The following SH3GL2 variants were observed in gnomAD, a reference collection of about 807,000 sequenced individuals.
SH3GL2 encodes the protein SH3 domain containing GRB2 like 2, endophilin A1, also known as endophilin-A1.
Under a neutral mutation model 46.0 loss-of-function variants are expected in SH3GL2, and 24 were observed. The observed-to-expected ratio is 0.52, with a 90% confidence interval of 0.38 to 0.73. SH3GL2 has a LOEUF of 0.73. Ranked by LOEUF, SH3GL2 falls within the 30% of genes least tolerant of loss-of-function variation. The pLI, the probability that SH3GL2 is intolerant of heterozygous loss-of-function variation, is 0.00. For synonymous variants in SH3GL2, 196 were observed against 147.1 expected, an observed-to-expected ratio of 1.33 and a Z score of -2.40; for missense variants, 413 against 424.2, an observed-to-expected ratio of 0.97 and a Z score of 0.23.
chr9:17,594,599 A>C (rs998928745), intron 1 of SH3GL2, among the ~76,000 whole-genome samples: 5 of 152,134 alleles, frequency 3.3e-5, no homozygotes, highest in African/African-American at 1.2e-4. Context: ...ATACCTATGT[A>C]ACAAACCTGC....
chr9:17,759,946 C>G (rs866801487), intron 2 of SH3GL2, among the ~76,000 whole-genome samples: 1 of 152,248 alleles, frequency 6.6e-6, no homozygotes, highest in African/African-American at 2.4e-5. Context: ...CATATTTGTT[C>G]CATACACACC....
At chr9:17,680,580 G>C (rs917605843) in intron 1 of SH3GL2, among the ~76,000 whole-genome samples, 10 of 151,524 alleles carry the variant, frequency 6.6e-5, no homozygotes, top group African/African-American at 2.4e-4. Flanking sequence ...CAAAAAACCA[G>C]CTCCTGGATT....
chr9:17,680,961 G>C (rs1588233276), intron 1 of SH3GL2, among the ~76,000 whole-genome samples: 2 of 152,202 alleles, frequency 1.3e-5, no homozygotes, highest in East Asian at 3.9e-4. Flanking sequence ...TCTTAATCCT[G>C]AGTTCTAGTT....
intron 1 of SH3GL2, among the ~76,000 whole-genome samples, chr9:17,709,818 T>C: frequency 6.6e-6 from 1 of 151,872 alleles, no homozygotes; most frequent in East Asian, 1.9e-4. Flanking sequence ...ATATATTGAG[T>C]TCCTAGTATG....
chr9:17,651,647 G>T lies in SH3GL2; in HGVS notation c.45+72360G>T, dbSNP rs905467910. ...TGATAAATTCTTTCTGCTTTTGTCT[G>T]TTTAAGGAAGTCTTTATTTTGCTTT... On this transcript the variant is annotated intron_variant, in intron 1 of 8. Transcript: ENST00000380607. Among the ~76,000 whole-genome samples, 61 of 152,186 alleles carry T rather than the reference G, an allele frequency of 4.0e-4. 1 individual carries two copies. Among genetic ancestry groups the T allele is most frequent in the Non-Finnish European group, 7.1e-4 (48 of 67,968 alleles).
At chr9:17,597,942 A>G (rs1163307579) in intron 1 of SH3GL2, among the ~76,000 whole-genome samples, 4 of 152,160 alleles carry the variant, frequency 2.6e-5, no homozygotes, top group African/African-American at 9.7e-5. Context: ...AGTTTTAGGT[A>G]TAGAGAGATG....
At chr9:17,670,458 A>G (rs1264276750) in intron 1 of SH3GL2, among the ~76,000 whole-genome samples, 1 of 152,202 alleles carries the variant, frequency 6.6e-6, no homozygotes, top group Non-Finnish European at 1.5e-5. Context: ...AAGTGTTTTA[A>G]TTATAGGGGC....
chr9:17,680,625 C>T (rs527929305), intron 1 of SH3GL2, among the ~76,000 whole-genome samples: 43 of 151,824 alleles, frequency 2.8e-4, no homozygotes, highest in African/African-American at 8.2e-4. Context: ...GTGTCTCTAT[C>T]TCCTTCAGTT....
intron 1 of SH3GL2, among the ~76,000 whole-genome samples, chr9:17,720,455 C>T (rs557761774): frequency 5.9e-5 from 9 of 152,172 alleles, no homozygotes; most frequent in African/African-American, 2.2e-4. Flanking sequence ...AAGTGAAGTA[C>T]AGAAAACAGA....
intron 1 of SH3GL2, among the ~76,000 whole-genome samples, chr9:17,633,040 G>A (rs946936817): frequency 3.9e-5 from 6 of 152,206 alleles, no homozygotes; most frequent in African/African-American, 1.4e-4. Flanking sequence ...CAACCTGTCA[G>A]CCTTGACTTT....
chr9:17,615,732 TA>T lies in SH3GL2; in HGVS notation c.45+36456del, dbSNP rs765372067. 4.7e-3 allele frequency among the ~76,000 whole-genome samples: 676 copies of T among 144,482 alleles called. 3 individuals are homozygous for T. Among genetic ancestry groups the T allele is most frequent in the African/African-American group, 0.015 (583 of 39,606 alleles). 94.8% of individuals were successfully genotyped at this position (144,482 alleles called of 152,430 possible). On this transcript the variant is annotated intron_variant, in intron 1 of 8. Coordinates refer to ENST00000380607, the MANE Select transcript of SH3GL2 (RefSeq NM_003026.5). ...ATTGTTAAAAACTTAGGACGAAAGT[TA>T]AAAAAAAAAACCCACACTACTTAAT...
At chr9:17,746,887 G>A (rs933479600) in intron 1 of SH3GL2, among the ~76,000 whole-genome samples, 179 bp from the exon 2 acceptor site, 1 of 152,218 alleles carries the variant, frequency 6.6e-6, no homozygotes, top group African/African-American at 2.4e-5. Flanking sequence ...ATAGCCTTTA[G>A]TAAGTTTTTC....
intron 1 of SH3GL2, among the ~76,000 whole-genome samples, chr9:17,623,226 C>T (rs1221177652): frequency 1.3e-5 from 2 of 151,880 alleles, no homozygotes; most frequent in Non-Finnish European, 2.9e-5. Context: ...AGAAGTTAGT[C>T]TCTGGTGTCT....
chr9:17,619,677 C>CAAAAA (rs369116747), intron 1 of SH3GL2, among the ~76,000 whole-genome samples: 3,407 of 146,230 alleles, frequency 0.023, 133 homozygotes, highest in African/African-American at 0.082. Flanking sequence ...AACTCCATCT[C>CAAAAA]AAAAAAAAAA....
At chr9:17,587,156 C>G (rs1226125437) in intron 1 of SH3GL2, among the ~76,000 whole-genome samples, 3 of 152,098 alleles carry the variant, frequency 2.0e-5, no homozygotes, top group Admixed American at 6.5e-5. Flanking sequence ...GAGCCAAGAT[C>G]ACACCGTTGC....
At chr9:17,714,285 G>A (rs541547887) in intron 1 of SH3GL2, among the ~76,000 whole-genome samples, 18 of 151,490 alleles carry the variant, frequency 1.2e-4, no homozygotes, top group Admixed American at 8.6e-4. Context: ...AGCAAATATC[G>A]TTGGGTCTTC....
intron 5 of SH3GL2, among the ~76,000 whole-genome samples, chr9:17,788,146 G>A (rs73424582): frequency 2.6e-5 from 4 of 151,922 alleles, no homozygotes; most frequent in African/African-American, 4.8e-5. Context: ...TTGAAACTTT[G>A]TTGGGTGTAA....
intron 1 of SH3GL2, among the ~76,000 whole-genome samples, chr9:17,669,125 T>C (rs193244944): frequency 6.6e-6 from 1 of 152,338 alleles, no homozygotes; most frequent in East Asian, 1.9e-4. Flanking sequence ...GTGTTAGTTT[T>C]AGATTCATAT....
At chr9:17,704,245 G>A (rs1821411221) in intron 1 of SH3GL2, among the ~76,000 whole-genome samples, 1 of 152,122 alleles carries the variant, frequency 6.6e-6, no homozygotes, top group Admixed American at 6.6e-5. Flanking sequence ...GGAGGTGAAA[G>A]ATATCTACAA....
Sources: allele counts gnomAD v4.1 joint callset (sites outside exome capture counted in the v4.1 genomes callset), GRCh38; gene constraint gnomAD v4.1.1; transcripts MANE v1.5; gene names NCBI Gene and HGNC (gene_info 2026-07-23, HGNC 2026-07-21).